The following DYNC2I1 variants were observed in gnomAD, a reference collection of about 807,000 sequenced individuals.
DYNC2I1 encodes the protein cytoplasmic dynein 2 intermediate chain 1.
In DYNC2I1, 89 loss-of-function variants were observed where a neutral mutation model predicts 133.4. The ratio of observed to expected loss-of-function variants is 0.67; its 90% confidence interval spans 0.56 to 0.80. The LOEUF (loss-of-function observed/expected upper bound fraction) is 0.80. DYNC2I1 is among the 30% of genes least tolerant of loss of function. DYNC2I1 has a pLI of 0.00. For missense variants in DYNC2I1, 1,291 were observed against 1,314.5 expected, an observed-to-expected ratio of 0.98 and a Z score of 0.28; for synonymous variants, 504 against 484.3, an observed-to-expected ratio of 1.04 and a Z score of -0.54.
intron 14 of DYNC2I1, among the ~76,000 whole-genome samples, chr7:158,918,491 C>T (rs1390666408): frequency 6.6e-6 from 1 of 152,110 alleles, no homozygotes; most frequent in Non-Finnish European, 1.5e-5. Context: ...TGATTTTTAG[C>T]AGTGTATGTG....
chr7:158,954,279 T>C (rs1852142436), intron 4 of DYNC2I1, among the ~76,000 whole-genome samples: 2 of 152,352 alleles, frequency 1.3e-5, no homozygotes, highest in Non-Finnish European at 2.9e-5. Context: ...AAGCAGTGTG[T>C]GAACAGACTA....
chr7:158,856,591 C>G lies in DYNC2I1; in HGVS notation c.-145C>G, dbSNP rs1017386658. 4 of 845,680 alleles carry G rather than the reference C, an allele frequency of 4.7e-6. No homozygotes were observed. Among genetic ancestry groups the G allele is most frequent in the South Asian group, 6.2e-5 (1 of 16,208 alleles). The allele number at this position is 845,680 out of a possible 1,614,324, so 52.4% of individuals were successfully genotyped here. A position where few individuals can be genotyped will look rare whatever the true frequency, so the allele number is the denominator to read the frequency against. The stretch of plus-strand genomic sequence containing the variant: ...CCGCAGGGCACGCTGGGCAGTGCTT[C>G]TGGGCCCTCTGCTGCTCCTGCTTGT... On this transcript the variant is annotated 5_prime_UTR_variant, in exon 1 of 25. Transcript: ENST00000407559.
chr7:158,928,014 C>T (rs1235733741), intron 20 of DYNC2I1, among the ~76,000 whole-genome samples: 2 of 152,188 alleles, frequency 1.3e-5, no homozygotes, highest in African/African-American at 2.4e-5. Flanking sequence ...GCTTCTTCCT[C>T]TCAGTTTTGG....
At chr7:158,861,493 G>A (rs909227195) in intron 1 of DYNC2I1, among the ~76,000 whole-genome samples, 4 of 152,118 alleles carry the variant, frequency 2.6e-5, no homozygotes, top group African/African-American at 9.7e-5. Context: ...TTCACCACTC[G>A]AAAGTCTGGC....
At chr7:158,855,931 G>GCTCTT (rs1369746974), upstream of DYNC2I1, among the ~76,000 whole-genome samples, 1 of 148,810 alleles carries the variant, frequency 6.7e-6, no homozygotes, top group African/African-American at 2.5e-5. Context: ...CAAATGTAAA[G>GCTCTT]CTCTTTTCTT....
At chr7:158,909,819 C>G (rs1263468519) in intron 11 of DYNC2I1, among the ~76,000 whole-genome samples, 1 of 152,000 alleles carries the variant, frequency 6.6e-6, no homozygotes, top group Non-Finnish European at 1.5e-5. Context: ...CGCACAGGGT[C>G]GAGGGGATGA....
At chr7:158,888,228 T>C (rs1016940551) in intron 7 of DYNC2I1, among the ~76,000 whole-genome samples, 7 of 151,854 alleles carry the variant, frequency 4.6e-5, no homozygotes, top group Non-Finnish European at 1.0e-4. Context: ...TTTCACCATA[T>C]TGGCCAGTCT....
At chr7:158,862,719 G>A (rs895086467) in intron 1 of DYNC2I1, among the ~76,000 whole-genome samples, 5 of 152,052 alleles carry the variant, frequency 3.3e-5, no homozygotes, top group Non-Finnish European at 5.9e-5. Context: ...TCTTGGTCTC[G>A]CTGACTTCAA....
At chr7:158,901,651 C>T (rs1846271627) in intron 8 of DYNC2I1, 88 bp from the exon 9 acceptor site, 1 of 823,844 alleles carries the variant, frequency 1.2e-6, no homozygotes, top group Non-Finnish European at 1.9e-6. Context: ...AAAGGAATGT[C>T]AGAAAACATA....
At chr7:158,940,746 GAAATT>G (rs201342385) in intron 23 of DYNC2I1, among the ~76,000 whole-genome samples, 2,222 of 152,188 alleles carry the variant, frequency 0.015, 56 homozygotes, top group African/African-American at 0.05. Context: ...GGTCAATTAA[GAAATT>G]AAGAAGGACA....
chr7:158,915,420 CGTCG>C (rs1848012185), intron 14 of DYNC2I1, among the ~76,000 whole-genome samples: 4 of 128,160 alleles, frequency 3.1e-5, no homozygotes, highest in Non-Finnish European at 7.2e-5. Context: ...GATTGTGAAA[CGTCG>C]ACACGCTGGT....
chr7:158,929,047 G>C (rs1849922290), intron 20 of DYNC2I1, among the ~76,000 whole-genome samples: 1 of 152,132 alleles, frequency 6.6e-6, no homozygotes, highest in African/African-American at 2.4e-5. Context: ...GGATATCCTG[G>C]GGTGGTGAGT....
chr7:158,863,532 A>G lies in DYNC2I1; in HGVS notation c.16-6323A>G, dbSNP rs920193614. On this transcript the variant is annotated intron_variant, in intron 1 of 24. Coordinates refer to ENST00000407559, the MANE Select transcript of DYNC2I1 (RefSeq NM_018051.5). ...CAAGAGGTCATAAAGCAGGCTGCTT[A>G]CTTAGCTCTGGGTGTGGGAGGAGCG... Among the ~76,000 whole-genome samples, 8 of 151,404 alleles carry G rather than the reference A, an allele frequency of 5.3e-5. No homozygotes were observed. In the South Asian group the frequency reaches 8.4e-4, roughly 16 times the overall value.
chr7:158,938,128 T>G (rs1001610143), intron 23 of DYNC2I1, among the ~76,000 whole-genome samples: 1 of 152,038 alleles, frequency 6.6e-6, no homozygotes, highest in African/African-American at 2.4e-5. Context: ...TCAGAGAACA[T>G]CAAACAGATT....
chr7:158,905,618 T>G (rs560091008), intron 10 of DYNC2I1, among the ~76,000 whole-genome samples: 1 of 152,360 alleles, frequency 6.6e-6, no homozygotes, highest in Admixed American at 6.5e-5. Context: ...TTGTTTCTGT[T>G]TTTTAGCAAT....
chr7:158,842,184 A>G, the DYNC2I1 span, among the ~76,000 whole-genome samples: 1 of 152,162 alleles, frequency 6.6e-6, no homozygotes, highest in Non-Finnish European at 1.5e-5. Flanking sequence ...ACCCGCCACC[A>G]TGCCCGGCTA....
intron 4 of DYNC2I1, among the ~76,000 whole-genome samples, chr7:158,878,414 G>A (rs1843602140): frequency 7.1e-6 from 1 of 141,696 alleles, no homozygotes; most frequent in African/African-American, 2.7e-5. Context: ...GGGAGGCCAG[G>A]AGGGCCGACT....
intron 3 of DYNC2I1, among the ~76,000 whole-genome samples, chr7:158,872,989 TA>T (rs899113805): frequency 8.9e-4 from 128 of 144,476 alleles, no homozygotes; most frequent in Admixed American, 3.0e-3. Flanking sequence ...AGACTCTGTC[TA>T]AAAAAAAAAA....
At chr7:158,917,476 C>T (rs1464557526) in intron 14 of DYNC2I1, among the ~76,000 whole-genome samples, 2 of 61,026 alleles carry the variant, frequency 3.3e-5, no homozygotes, top group African/African-American at 8.9e-5. Flanking sequence ...CTCCACCCTC[C>T]ACCTCTCACT....
Sources: gnomAD v4.1 joint callset for allele counts (sites outside exome capture counted in the v4.1 genomes callset) on GRCh38, gnomAD v4.1.1 for gene constraint, MANE v1.5 for transcripts, NCBI Gene and HGNC (gene_info 2026-07-23, HGNC 2026-07-21) for gene names.